Variants in STPG2 observed in about 807,000 individuals in gnomAD.
STPG2 encodes sperm tail PG-rich repeat containing 2, also known as sperm-tail PG-rich repeat-containing protein 2.
STPG2 carries 56 observed loss-of-function variants against 54.2 expected under a neutral mutation model. The ratio of observed to expected loss-of-function variants is 1.03; its 90% CI spans 0.83 to 1.29. The LOEUF (loss-of-function observed/expected upper bound fraction) is 1.29. Among genes scored for constraint, STPG2 ranks in the 50% most tolerant of loss-of-function variants. STPG2 has a pLI of 0.00. For synonymous variants in STPG2, 200 were observed against 181.8 expected, an observed-to-expected ratio of 1.10 and a Z score of -0.81; for missense variants, 596 against 544.9, an observed-to-expected ratio of 1.09 and a Z score of -0.93.
At chr4:98,021,681 C>T (rs1416079601) in intron 5 of STPG2, among the ~76,000 whole-genome samples, 2 of 151,726 alleles carry the variant, frequency 1.3e-5, no homozygotes, top group African/African-American at 4.8e-5. Context: ...TCAGGACTTG[C>T]TTTATGAATC....
intron 8 of STPG2, among the ~76,000 whole-genome samples, chr4:97,890,742 C>A (rs2149174538): frequency 6.6e-6 from 1 of 151,818 alleles, no homozygotes; most frequent in East Asian, 1.9e-4. Context: ...TCCCAGTTAC[C>A]CTAATTTTAT....
At chr4:97,693,964 A>C (rs994085127) in intron 10 of STPG2, among the ~76,000 whole-genome samples, 6 of 152,178 alleles carry the variant, frequency 3.9e-5, no homozygotes, top group African/African-American at 1.4e-4. Flanking sequence ...CTCTGAACTG[A>C]ATGATAATAG....
chr4:97,481,857 G>T lies in STPG2; in HGVS notation c.462+230842C>A, dbSNP rs373745324. On this transcript the variant is annotated intron_variant, in intron 4 of 4. Transcript: ENST00000522676. ...ATATTTTTCTTGACTTATTAAAGTG[G>T]CTAGGAACTCCAGTGCTATGTTGAA... Among the ~76,000 whole-genome samples the T allele has an allele frequency of 1.2e-3, 177 of 151,528 alleles. 4 individuals carry two copies. The South Asian group carries it at 0.034, about 30-fold the overall frequency.
chr4:97,666,404 G>A (rs1189427626), intron 10 of STPG2, among the ~76,000 whole-genome samples: 1 of 152,178 alleles, frequency 6.6e-6, no homozygotes, highest in African/African-American at 2.4e-5. Flanking sequence ...ATTGATTTAA[G>A]ATTCAGGACA....
chr4:97,888,150 G>A (rs1032597010), intron 8 of STPG2, among the ~76,000 whole-genome samples: 3 of 152,184 alleles, frequency 2.0e-5, no homozygotes, highest in African/African-American at 7.2e-5. Flanking sequence ...CCCCTACTAG[G>A]GCAGTGCAGA....
At chr4:97,742,703 T>C (rs1469948469) in intron 9 of STPG2, among the ~76,000 whole-genome samples, 1 of 150,052 alleles carries the variant, frequency 6.7e-6, no homozygotes, top group Non-Finnish European at 1.5e-5. Context: ...TTTGCTTACG[T>C]GTGGAATATT....
intron 7 of STPG2, among the ~76,000 whole-genome samples, chr4:97,944,240 T>C (rs546678202): frequency 2.0e-5 from 3 of 152,236 alleles, no homozygotes; most frequent in Non-Finnish European, 4.4e-5. Context: ...GTAAGTATAA[T>C]GGATCTGCAC....
intron 5 of STPG2, among the ~76,000 whole-genome samples, chr4:98,105,713 T>G (rs1374869368): frequency 6.6e-6 from 1 of 152,152 alleles, no homozygotes; most frequent in African/African-American, 2.4e-5. Flanking sequence ...TTGTTTCATT[T>G]TTCTTGCATT....
At chr4:97,739,885 C>A (rs1725162162) in intron 9 of STPG2, among the ~76,000 whole-genome samples, 1 of 152,002 alleles carries the variant, frequency 6.6e-6, no homozygotes, top group Non-Finnish European at 1.5e-5. Flanking sequence ...CATCCTGATA[C>A]CAAAGCCGGG....
At chr4:97,450,144 CGATT>C (rs373658585) in intron 4 of STPG2, among the ~76,000 whole-genome samples, 13 of 151,958 alleles carry the variant, frequency 8.6e-5, no homozygotes, top group African/African-American at 3.1e-4. Context: ...CATATAAGTC[CGATT>C]GCTTAGAAAA....
intron 9 of STPG2, among the ~76,000 whole-genome samples, chr4:97,736,970 C>G (rs970155949): frequency 1.3e-5 from 2 of 152,186 alleles, no homozygotes; most frequent in African/African-American, 2.4e-5. Context: ...CCAGTAGGGG[C>G]AGACTGACAC....
chr4:98,105,353 A>C (rs552616217), intron 5 of STPG2, among the ~76,000 whole-genome samples: 1 of 152,292 alleles, frequency 6.6e-6, no homozygotes, highest in South Asian at 2.1e-4. Flanking sequence ...TGAGTGAACA[A>C]GCAAGGTAGC....
intron 9 of STPG2, among the ~76,000 whole-genome samples, chr4:97,738,183 G>A (rs991086026): frequency 1.3e-5 from 2 of 152,112 alleles, no homozygotes; most frequent in Admixed American, 6.6e-5. Flanking sequence ...TTACCACCAG[G>A]CCTGCCCGAA....
chr4:97,909,024 T>TAAG, intron 8 of STPG2, among the ~76,000 whole-genome samples: 1 of 147,878 alleles, frequency 6.8e-6, no homozygotes, highest in Admixed American at 6.8e-5. Flanking sequence ...ATAATAATAA[T>TAAG]AATAATAATA....
chr4:98,139,048 T>C (rs1240391654), intron 1 of STPG2, among the ~76,000 whole-genome samples: 1 of 152,116 alleles, frequency 6.6e-6, no homozygotes, highest in Non-Finnish European at 1.5e-5. Flanking sequence ...TAATAAGAGA[T>C]GTTTGCTTCT....
intron 10 of STPG2, among the ~76,000 whole-genome samples, chr4:97,670,656 C>T (rs571405956): frequency 6.6e-6 from 1 of 152,116 alleles, no homozygotes; most frequent in Admixed American, 6.5e-5. Context: ...CATAAGAAAC[C>T]ACTGCTAAGA....
At chr4:97,777,139 T>G (rs1726403221) in intron 9 of STPG2, among the ~76,000 whole-genome samples, 1 of 152,164 alleles carries the variant, frequency 6.6e-6, no homozygotes, top group Non-Finnish European at 1.5e-5. Flanking sequence ...TAAAATGCAC[T>G]TCGTACTGAA....
At chr4:98,048,148 A>AG (rs1285069839) in intron 5 of STPG2, among the ~76,000 whole-genome samples, 4 of 152,184 alleles carry the variant, frequency 2.6e-5, no homozygotes, top group African/African-American at 9.7e-5. Flanking sequence ...GTACAGACCA[A>AG]GGGGGCAGAA....
At chr4:97,596,350 GA>G (rs1256091355) in intron 10 of STPG2, among the ~76,000 whole-genome samples, 1 of 151,954 alleles carries the variant, frequency 6.6e-6, no homozygotes, top group Non-Finnish European at 1.5e-5. Flanking sequence ...CACTGAGACA[GA>G]AAAAAATAAA....
Sources: gnomAD v4.1 joint callset for allele counts (sites outside exome capture counted in the v4.1 genomes callset) on GRCh38, gnomAD v4.1.1 for gene constraint, MANE v1.5 for transcripts, NCBI Gene and HGNC (gene_info 2026-07-23, HGNC 2026-07-21) for gene names.